Variants in UVSSA observed in about 807,000 individuals in gnomAD.
UVSSA encodes UV-stimulated scaffold protein A.
A neutral mutation model predicts 73.9 loss-of-function variants in UVSSA; 72 were observed. That is an observed-to-expected ratio of 0.97 (90% CI 0.81 to 1.19). UVSSA has a LOEUF of 1.19. Among genes scored for constraint, UVSSA ranks in the 50% most tolerant of loss-of-function variants. UVSSA has a pLI of 0.00. For missense variants in UVSSA, 1,150 were observed against 965.0 expected (o/e 1.19, Z -2.54); for synonymous variants, 454 against 391.3 (o/e 1.16, Z -1.89).
At chr4:1,373,975 G>A (rs376904769) in intron 8 of UVSSA, among the ~76,000 whole-genome samples, 3 of 152,228 alleles carry the variant, frequency 2.0e-5, no homozygotes, top group African/African-American at 7.2e-5. Context: ...CTCCTGGGGA[G>A]CGTGGCATGG....
Position 1,347,267 on chromosome 4 carries a change from G to C in UVSSA, c.-496G>C, listed in dbSNP as rs1401629732. On this transcript the variant is annotated 5_prime_UTR_variant, in exon 1 of 14. Coordinates refer to ENST00000389851, the MANE Select transcript of UVSSA (RefSeq NM_020894.4). ...GTGGTTACGCTGCCGGGCGGGGGTC[G>C]CGCCGGTTCGGTCCCCGGGGCTCTG... The C allele has an allele frequency of 6.7e-6, 1 of 150,246 alleles. No individual in the cohort carries two copies. The highest frequency in any genetic ancestry group is 2.4e-5 in the African/African-American group (1 of 41,330). The allele number at this position is 150,246 out of a possible 1,614,324, so 9.3% of individuals were successfully genotyped here. A position where few individuals can be genotyped will look rare whatever the true frequency, so the allele number is the denominator to read the frequency against.
chr4:1,383,025 A>G (rs558086793), intron 12 of UVSSA, among the ~76,000 whole-genome samples: 7 of 152,208 alleles, frequency 4.6e-5, no homozygotes, highest in Admixed American at 3.9e-4. Context: ...GGAACCCCAC[A>G]GGAAGCCTGG....
Position 1,376,033 on chromosome 4 carries a change from G to T in UVSSA, c.1434-1G>T. ...CAGGCTGTCCCACTCTGCTCCTGTA[G>T]CCCCTCCAGAGCGTTGCCAGAGCCA... On this transcript the variant is annotated splice_acceptor_variant, in intron 9 of 13. Transcript: ENST00000389851. LOFTEE classifies it high-confidence loss of function. The T allele has an allele frequency of 6.3e-7, 1 of 1,591,950 alleles. No individual in the cohort carries two copies. The highest frequency in any genetic ancestry group is 8.5e-7 in the Non-Finnish European group (1 of 1,170,692).
upstream of UVSSA, among the ~76,000 whole-genome samples, chr4:1,343,369 G>C (rs1266611560): frequency 6.6e-6 from 1 of 152,068 alleles, no homozygotes; most frequent in African/African-American, 2.4e-5. Flanking sequence ...CCTCTTTAAA[G>C]GCCTCATCTC....
chr4:1,365,842 G>A (rs1717238486), intron 7 of UVSSA, among the ~76,000 whole-genome samples: 1 of 151,226 alleles, frequency 6.6e-6, no homozygotes, highest in African/African-American at 2.4e-5. Flanking sequence ...TGCTCCACCT[G>A]GTGGGAAGAT....
chr4:1,383,786 A>G lies in UVSSA; in HGVS notation c.1882A>G (p.Met628Val). Residue 628 changes from methionine (M) to valine (V), a missense_variant, in exon 13 of 14, where the codon ATG becomes GTG. Met to Val is a conservative substitution (Grantham distance 21). Coordinates refer to ENST00000389851, the MANE Select transcript of UVSSA (RefSeq NM_020894.4). Reference protein sequence around the residue: ...ERPEWQDPELMRDVEAATGQD... With the variant: ...ERPEWQDPELVRDVEAATGQD... ...TGCAGAATGGCAGGACCCTGAGTTG[A>G]TGAGAGACGTGGAAGCAGCCACAGG... is the stretch of plus-strand genomic sequence containing the variant. The G allele has an allele frequency of 6.2e-7, 1 of 1,613,452 alleles. No individual in the cohort carries two copies. The highest frequency in any genetic ancestry group is 8.5e-7 in the Non-Finnish European group (1 of 1,179,984).
chr4:1,372,077 C>T (rs374933070), intron 8 of UVSSA, among the ~76,000 whole-genome samples: 2 of 152,116 alleles, frequency 1.3e-5, no homozygotes, highest in South Asian at 2.1e-4. Context: ...TTTTACCCTC[C>T]TATTTTTTAC....
intron 12 of UVSSA, 96 bp from the exon 13 acceptor site, chr4:1,383,669 CT>C (rs1719759593): frequency 2.7e-6 from 4 of 1,496,254 alleles, no homozygotes; most frequent in African/African-American, 1.4e-5. Flanking sequence ...CCCAGCCCCC[CT>C]GTCAGGACGA....
rs1035012628 is a variant in UVSSA, at chr4:1,347,311, C to T, written c.-452C>T. The T allele has an allele frequency of 4.6e-5, 7 of 152,008 alleles. No individual in the cohort carries two copies. Among genetic ancestry groups the T allele is most frequent in the Non-Finnish European group, 8.8e-5 (6 of 68,006 alleles). 9.4% of individuals were successfully genotyped at this position (152,008 alleles called of 1,614,324 possible). A position where few individuals can be genotyped will look rare whatever the true frequency, so the allele number is the denominator to read the frequency against. ...GGCTCTGCGGGCGCCGGGCAGAGACCTGCGGCCAGGGCGTGTCCCGTGTGC... is the reference window on the plus strand; with the variant it reads ...GGCTCTGCGGGCGCCGGGCAGAGACTTGCGGCCAGGGCGTGTCCCGTGTGC... On this transcript the variant is annotated 5_prime_UTR_variant, in exon 1 of 14. Transcript: ENST00000389851.
exon 14 of UVSSA, chr4:1,393,769 G>T (rs1267782535): frequency 1.9e-5 from 3 of 154,362 alleles, no homozygotes; most frequent in Admixed American, 1.9e-4. Context: ...ATTTTTTGAA[G>T]ACTGGACACT....
intron 4 of UVSSA, among the ~76,000 whole-genome samples, chr4:1,352,162 T>C (rs1458155380): frequency 2.6e-5 from 4 of 152,236 alleles, no homozygotes; most frequent in Non-Finnish European, 5.9e-5. Flanking sequence ...GTTTATTTTG[T>C]GGCTGTCTTG....
chr4:1,366,653 G>A (rs112579893), intron 8 of UVSSA, among the ~76,000 whole-genome samples: 4 of 152,220 alleles, frequency 2.6e-5, no homozygotes, highest in Admixed American at 6.5e-5. Flanking sequence ...TCGGGTTCTC[G>A]GGCCTGGGGC....
chr4:1,354,046 C>T (rs557755652), intron 5 of UVSSA, among the ~76,000 whole-genome samples: 1 of 152,298 alleles, frequency 6.6e-6, no homozygotes, highest in South Asian at 2.1e-4. Flanking sequence ...AAATCGCTCT[C>T]TTTGAGGAAC....
chr4:1,358,035 C>T (rs1204578419), intron 7 of UVSSA: 1 of 152,328 alleles, frequency 6.6e-6, no homozygotes. Flanking sequence ...TCTCACGCCC[C>T]ACGTGGTGGA....
chr4:1,375,623 G>C, intron 9 of UVSSA, 115 bp downstream of exon 9: 1 of 1,476,208 alleles, frequency 6.8e-7, no homozygotes, highest in East Asian at 2.3e-5. Context: ...TATCTTGGTG[G>C]AAGCCTTGGG....
intron 8 of UVSSA, among the ~76,000 whole-genome samples, chr4:1,367,701 G>T (rs1717512796): frequency 6.6e-6 from 1 of 152,028 alleles, no homozygotes; most frequent in African/African-American, 2.4e-5. Flanking sequence ...GCCCATTCCG[G>T]ACCAGGGTCC....
intron 2 of UVSSA, 47 bp from the exon 3 acceptor site, chr4:1,349,477 A>G (rs1302983433): frequency 1.9e-6 from 3 of 1,573,104 alleles, no homozygotes; most frequent in African/African-American, 1.3e-5. Flanking sequence ...CCCCCCGCCC[A>G]TCCTCTGCGT....
At chr4:1,390,311 T>A (rs1272849040), downstream of UVSSA, 1 of 152,220 alleles carries the variant, frequency 6.6e-6, no homozygotes, top group Admixed American at 6.5e-5. Context: ...CTTTTCTTAT[T>A]TTTGAGAGAC....
intron 2 of UVSSA, 149 bp downstream of exon 2, chr4:1,348,338 G>A: frequency 3.1e-6 from 2 of 652,048 alleles, no homozygotes; most frequent in Non-Finnish European, 5.3e-6. Flanking sequence ...ACCCGGCTCT[G>A]ACGGGTGGTC....
Sources: gnomAD v4.1 joint callset for allele counts (sites outside exome capture counted in the v4.1 genomes callset) on GRCh38, gnomAD v4.1.1 for gene constraint, MANE v1.5 for transcripts, NCBI Gene and HGNC (gene_info 2026-07-23, HGNC 2026-07-21) for gene names.